Variants in RUNDC3A observed in about 807,000 individuals in gnomAD.
RUNDC3A encodes the protein RUN domain-containing protein 3A.
In RUNDC3A, 28 loss-of-function variants were observed where a neutral mutation model predicts 53.9. The ratio of observed to expected loss-of-function variants is 0.52; its 90% confidence interval spans 0.38 to 0.71. The LOEUF (loss-of-function observed/expected upper bound fraction) is 0.71. Ranked by LOEUF, RUNDC3A falls within the 30% of genes least tolerant of loss-of-function variation. The probability of loss-of-function intolerance (pLI) is 0.00; values close to 1 mark genes in which losing one functional copy is unlikely to be tolerated. For missense variants in RUNDC3A, 491 were observed against 597.3 expected, an observed-to-expected ratio of 0.82 and a Z score of 1.85; for synonymous variants, 232 against 249.4, an observed-to-expected ratio of 0.93 and a Z score of 0.66.
Position 44,314,943 on chromosome 17 carries a change from G to C in RUNDC3A, c.563G>C (p.Gly188Ala). 6.2e-7 allele frequency: 1 copy of C among 1,614,052 alleles called. No homozygotes were observed. Among genetic ancestry groups the C allele is most frequent in the Non-Finnish European group, 8.5e-7 (1 of 1,179,904 alleles). Reference protein sequence around the residue: ...SAIDFSFCLKGEVLDGKTPVV... With the variant: ...SAIDFSFCLKAEVLDGKTPVV... ...CTCTGCCTCAGCTTCTGTCTAAAGG[G>C]GGAAGTCCTGGACGGGAAGACCCCC... Residue 188 changes from glycine to alanine, a missense_variant, in exon 6 of 11, where the codon GGG (glycine) becomes GCG (alanine). Transcript: ENST00000426726.
intron 1 of RUNDC3A, among the ~76,000 whole-genome samples, chr17:44,311,913 C>G (rs1014143730): frequency 6.6e-6 from 1 of 152,104 alleles, no homozygotes. Flanking sequence ...ATACCCCGCA[C>G]CTCCCCACCC....
chr17:44,316,989 ATTTG>A (rs1261436566), intron 10 of RUNDC3A: 1 of 458,738 alleles, frequency 2.2e-6, no homozygotes, highest in Non-Finnish European at 3.9e-6. Context: ...CGCGCAGCTA[ATTTG>A]TGTATTTTTA....
At position 44,318,231 on chromosome 17, in the gene RUNDC3A, C is replaced by CCAGCTGAGG; in HGVS notation, c.1335_*2dup. 6 of 1,550,366 alleles carry CCAGCTGAGG rather than the reference C, an allele frequency of 3.9e-6. No individual in the cohort carries two copies. Among genetic ancestry groups the CCAGCTGAGG allele is most frequent in the Non-Finnish European group, 5.2e-6 (6 of 1,146,598 alleles). ...CCCGAGGGCAGCCCAGCACTGAGCCCCAGCTGAGGAACAGCATGGGCAGTG... is the reference window on the plus strand; with the variant it reads ...CCCGAGGGCAGCCCAGCACTGAGCCCCAGCTGAGGCAGCTGAGGAACAGCATGGGCAGTG... On this transcript the variant is annotated stop_gained and inframe_insertion, in exon 11 of 11. Coordinates refer to ENST00000426726, the MANE Select transcript of RUNDC3A (RefSeq NM_001144825.2). LOFTEE classifies it high-confidence loss of function.
intron 1 of RUNDC3A, chr17:44,311,384 C>A: frequency 1.0e-6 from 1 of 970,516 alleles, no homozygotes; most frequent in Non-Finnish European, 1.2e-6. Flanking sequence ...ATCAGACATA[C>A]CTGCTTGACT....
chr17:44,309,741 C>A (rs1260386244), intron 1 of RUNDC3A, among the ~76,000 whole-genome samples: 1 of 152,184 alleles, frequency 6.6e-6, no homozygotes, highest in East Asian at 1.9e-4. Flanking sequence ...TCAGCTGCAA[C>A]CTCCCCTGGC....
At chr17:44,313,734 TGCGATGGC>T (rs2047796858) in intron 4 of RUNDC3A, 1 of 1,265,524 alleles carries the variant, frequency 7.9e-7, no homozygotes, top group Non-Finnish European at 1.0e-6. Flanking sequence ...CAGGCTGGAG[TGCGATGGC>T]GCGATCTCGG....
chr17:44,316,925 G>A (rs1012025025), intron 10 of RUNDC3A, 200 bp downstream of exon 10: 3 of 495,682 alleles, frequency 6.1e-6, no homozygotes, highest in African/African-American at 4.0e-5. Context: ...CGGGTTCAAG[G>A]GATTCCCTTG....
intron 1 of RUNDC3A, among the ~76,000 whole-genome samples, chr17:44,310,353 C>T (rs567792363): frequency 6.6e-6 from 1 of 152,356 alleles, no homozygotes; most frequent in East Asian, 1.9e-4. Flanking sequence ...CCTAATGACG[C>T]TCTTCCTGTC....
chr17:44,316,318 C>G, intron 8 of RUNDC3A, 67 bp from the exon 9 acceptor site: 3 of 1,491,068 alleles, frequency 2.0e-6, no homozygotes, highest in South Asian at 1.2e-5. Context: ...CCCTCATCCC[C>G]TTGCTGAATC....
chr17:44,317,948 C>T, intron 10 of RUNDC3A, 148 bp from the exon 11 acceptor site: 1 of 795,414 alleles, frequency 1.3e-6, no homozygotes, highest in African/African-American at 1.7e-5. Context: ...GGTGCTTAAC[C>T]AAAGTTTAAC....
At chr17:44,317,917 G>A (rs574165242) in intron 10 of RUNDC3A, 179 bp from the exon 11 acceptor site, 2 of 619,644 alleles carry the variant, frequency 3.2e-6, no homozygotes, top group African/African-American at 1.8e-5. Flanking sequence ...AGTGTCCCCA[G>A]CACGGTGCCT....
At chr17:44,313,067 C>G in intron 2 of RUNDC3A, 37 bp from the exon 3 acceptor site, 1 of 1,608,904 alleles carries the variant, frequency 6.2e-7, no homozygotes, top group Non-Finnish European at 8.5e-7. Context: ...CTCCAAACTC[C>G]CTGGTCTTGC....
intron 10 of RUNDC3A, chr17:44,317,052 G>C: frequency 2.7e-6 from 1 of 374,252 alleles, no homozygotes; most frequent in East Asian, 4.8e-5. Context: ...ACGGAGTTTC[G>C]CCAGGCTGGT....
intron 4 of RUNDC3A, 148 bp downstream of exon 4, chr17:44,313,651 GC>G: frequency 7.4e-7 from 1 of 1,355,138 alleles, no homozygotes; most frequent in Non-Finnish European, 9.5e-7. Flanking sequence ...CCCTCTTCCA[GC>G]CTGGCCTGCA....
At position 44,318,520 on chromosome 17, in the gene RUNDC3A, T is replaced by C; in HGVS notation, c.*282T>C. 1 of 434,796 alleles carries C rather than the reference T, an allele frequency of 2.3e-6. No homozygotes were observed. The highest frequency in any genetic ancestry group is 4.2e-6 in the Non-Finnish European group (1 of 236,568). The allele number at this position is 434,796 out of a possible 1,614,324, so 26.9% of individuals were successfully genotyped here. A position where few individuals can be genotyped will look rare whatever the true frequency, so the allele number is the denominator to read the frequency against. On this transcript the variant is annotated 3_prime_UTR_variant, in exon 11 of 11. Transcript: ENST00000426726. The stretch of plus-strand genomic sequence containing the variant: ...TCTGGTGACCTTGGCGCTCCTTCAC[T>C]CATCTCCCCTGCCCCCTCAGGAACT...
At chr17:44,311,274 C>A (rs1414995871) in intron 1 of RUNDC3A, 2 of 985,362 alleles carry the variant, frequency 2.0e-6, no homozygotes, top group Non-Finnish European at 2.4e-6. Flanking sequence ...GAGTAGAGGA[C>A]AAAGGGCGGT....
rs1166933288 is a variant in RUNDC3A, at chr17:44,316,702, A to G, written c.1175A>G (p.Asp392Gly). The G allele has an allele frequency of 1.9e-6, 3 of 1,549,318 alleles. No homozygotes were observed. Among genetic ancestry groups the G allele is most frequent in the Non-Finnish European group, 2.6e-6 (3 of 1,146,822 alleles). Residue 392 changes from aspartate to glycine, a missense_variant, in exon 10 of 11, where the codon GAC becomes GGC. This residue lies in a region of RUNDC3A where 218 missense variants were observed against 208.2 expected (regional missense o/e 1.05). Coordinates refer to ENST00000426726, the MANE Select transcript of RUNDC3A (RefSeq NM_001144825.2). Reference sequence around the variant, plus strand: ...CAGCGCCTGGGAGAGGGCACGCGGGACGAGGAGCCCTGGGGTCCCATCGGT... The same window carrying G: ...CAGCGCCTGGGAGAGGGCACGCGGGGCGAGGAGCCCTGGGGTCCCATCGGT... ...DSQRLGEGTR[D>G]EEPWGPIGKD...
intron 4 of RUNDC3A, 133 bp downstream of exon 4, chr17:44,313,636 G>A: frequency 7.4e-7 from 1 of 1,345,390 alleles, no homozygotes. Context: ...ACACATGGCT[G>A]ATTTCCCTCT....
Position 44,318,467 on chromosome 17 carries a change from G to A in RUNDC3A, c.*229G>A. On this transcript the variant is annotated 3_prime_UTR_variant, in exon 11 of 11. Transcript: ENST00000426726. ...GAGGCAGGGGTGCCCAAGCCACAGG[G>A]AGCCCCTGGGGAAGCCTGCTCCATT... The A allele has an allele frequency of 1.8e-6, 1 of 554,976 alleles. No individual in the cohort carries two copies. The highest frequency in any genetic ancestry group is 2.3e-5 in the South Asian group (1 of 43,206). The allele number at this position is 554,976 out of a possible 1,614,324, so 34.4% of individuals were successfully genotyped here.
Sources: allele counts gnomAD v4.1 joint callset (sites outside exome capture counted in the v4.1 genomes callset), GRCh38; gene constraint gnomAD v4.1.1; regional missense constraint gnomAD v4.1.1; transcripts MANE v1.5; gene names NCBI Gene and HGNC (gene_info 2026-07-23, HGNC 2026-07-21).